Variants in COBL observed in about 807,000 individuals in gnomAD.
COBL encodes the protein protein cordon-bleu.
A neutral mutation model predicts 98.8 loss-of-function variants in COBL; 51 were observed. That is an observed-to-expected ratio of 0.52 (90% CI 0.41 to 0.65). COBL has a LOEUF of 0.65. COBL is among the 30% of genes least tolerant of loss of function. The pLI is 0.00. For synonymous variants in COBL, 634 were observed against 651.7 expected (o/e 0.97, Z 0.41); for missense variants, 1,617 against 1,617.5 (o/e 1.00, Z 0.01).
chr7:51,135,301 C>A (rs979978206), intron 6 of COBL, among the ~76,000 whole-genome samples: 1 of 152,118 alleles, frequency 6.6e-6, no homozygotes, highest in African/African-American at 2.4e-5. Context: ...AAAATATTTT[C>A]TTTGAAAATG....
chr7:51,149,390 C>T (rs1226128191), intron 5 of COBL, among the ~76,000 whole-genome samples: 1 of 152,168 alleles, frequency 6.6e-6, no homozygotes, highest in African/African-American at 2.4e-5. Flanking sequence ...TGTTCCTGAA[C>T]CTATCTTCAC....
At chr7:51,289,325 T>C (rs1438110178) in intron 1 of COBL, among the ~76,000 whole-genome samples, 7 of 152,210 alleles carry the variant, frequency 4.6e-5, no homozygotes, top group Non-Finnish European at 1.0e-4. Flanking sequence ...CAAGTGACTC[T>C]AGGCTCCCAG....
intron 1 of COBL, among the ~76,000 whole-genome samples, chr7:51,251,296 T>C (rs1796711577): frequency 6.6e-6 from 1 of 152,158 alleles, no homozygotes; most frequent in Non-Finnish European, 1.5e-5. Context: ...AAGAACAAAA[T>C]ATATCCAACA....
At chr7:51,089,084 G>C (rs752463262) in intron 6 of COBL, among the ~76,000 whole-genome samples, 4 of 152,098 alleles carry the variant, frequency 2.6e-5, no homozygotes, top group African/African-American at 9.7e-5. Flanking sequence ...TCATCAGCTC[G>C]TTCCACGGTC....
chr7:51,209,467 T>C (rs895681068), intron 2 of COBL, among the ~76,000 whole-genome samples: 1 of 152,136 alleles, frequency 6.6e-6, no homozygotes, highest in African/African-American at 2.4e-5. Flanking sequence ...GGTTAATAAC[T>C]ACCATGAGTT....
chr7:51,280,141 G>A (rs1432092903), intron 1 of COBL, among the ~76,000 whole-genome samples: 2 of 152,046 alleles, frequency 1.3e-5, no homozygotes, highest in Admixed American at 6.5e-5. Flanking sequence ...ACCAGAATTC[G>A]AAGTACCACG....
rs1458709553 is a variant in COBL, at chr7:51,077,233, T to C, written c.1096+7933A>G. 2.0e-5 allele frequency among the ~76,000 whole-genome samples: 3 copies of C among 152,214 alleles called. No individual in the cohort carries two copies. In the East Asian group the frequency reaches 5.8e-4, roughly 29 times the overall value. ...AAAATCTTATTAATAAGAAAAAACA[T>C]GATTAAAGACCACAGACCTGGGAGC... On this transcript the variant is annotated intron_variant, in intron 7 of 12. Coordinates refer to ENST00000265136, the MANE Select transcript of COBL (RefSeq NM_015198.5).
At chr7:51,261,735 A>G (rs1314968491) in intron 1 of COBL, among the ~76,000 whole-genome samples, 1 of 152,142 alleles carries the variant, frequency 6.6e-6, no homozygotes, top group Non-Finnish European at 1.5e-5. Flanking sequence ...GAGAGGCCGA[A>G]GTAGGCGGAT....
chr7:51,266,609 C>A (rs937241124), intron 1 of COBL, among the ~76,000 whole-genome samples: 3 of 152,128 alleles, frequency 2.0e-5, no homozygotes, highest in African/African-American at 4.8e-5. Flanking sequence ...TCAACTGATT[C>A]TTATTTTAAA....
At chr7:51,142,156 G>C (rs1799814204) in intron 5 of COBL, among the ~76,000 whole-genome samples, 1 of 152,214 alleles carries the variant, frequency 6.6e-6, no homozygotes, top group East Asian at 1.9e-4. Flanking sequence ...CATTTCTAGA[G>C]GGTGAGGCGA....
intron 5 of COBL, among the ~76,000 whole-genome samples, chr7:51,143,688 T>C (rs996685506): frequency 3.3e-5 from 5 of 152,184 alleles, no homozygotes; most frequent in African/African-American, 1.2e-4. Context: ...ATAAATATGA[T>C]TGTTTCTAAA....
At chr7:51,228,293 G>A (rs1481711324) in intron 1 of COBL, among the ~76,000 whole-genome samples, 2 of 151,876 alleles carry the variant, frequency 1.3e-5, no homozygotes, top group Admixed American at 6.6e-5. Flanking sequence ...TAAATGAGAT[G>A]ACCCCTGTAA....
At chr7:51,052,788 C>T (rs1048216753) in intron 7 of COBL, among the ~76,000 whole-genome samples, 1 of 152,210 alleles carries the variant, frequency 6.6e-6, no homozygotes, top group Admixed American at 6.5e-5. Context: ...GCCATCCCTC[C>T]TTCTGCTGCT....
At chr7:51,108,752 G>A (rs115782939) in intron 6 of COBL, among the ~76,000 whole-genome samples, 1,676 of 152,218 alleles carry the variant, frequency 0.011, 31 homozygotes, top group African/African-American at 0.039. Flanking sequence ...ATTCTCCAAA[G>A]GAAAGCTGCT....
intron 2 of COBL, among the ~76,000 whole-genome samples, chr7:51,218,375 A>G (rs1793297666): frequency 6.6e-6 from 1 of 152,264 alleles, no homozygotes. Flanking sequence ...ACTTTTTAAA[A>G]GGCATCTGTG....
At chr7:51,085,028 C>G in intron 7 of COBL, 138 bp downstream of exon 7, 5 of 1,245,404 alleles carry the variant, frequency 4.0e-6, no homozygotes, top group Admixed American at 2.1e-5. Context: ...TTCTTTCCAG[C>G]CCTTCTTTCT....
intron 1 of COBL, among the ~76,000 whole-genome samples, chr7:51,271,067 C>T (rs985758099): frequency 6.6e-6 from 1 of 152,230 alleles, no homozygotes; most frequent in African/African-American, 2.4e-5. Context: ...CCCAGGAATG[C>T]TTGGGACAGG....
intron 7 of COBL, chr7:51,073,438 A>G (rs899852199): frequency 9.5e-6 from 6 of 634,664 alleles, no homozygotes; most frequent in Non-Finnish European, 1.7e-5. Flanking sequence ...CGGTGAAATA[A>G]ATATCTGCCA....
At chr7:51,130,025 G>C (rs530048189) in intron 6 of COBL, among the ~76,000 whole-genome samples, 1 of 152,286 alleles carries the variant, frequency 6.6e-6, no homozygotes, top group African/African-American at 2.4e-5. Context: ...TGGGAGCAAA[G>C]GGAAATGGCT....
Sources: gnomAD v4.1 joint callset for allele counts (sites outside exome capture counted in the v4.1 genomes callset) on GRCh38, gnomAD v4.1.1 for gene constraint, MANE v1.5 for transcripts, NCBI Gene and HGNC (gene_info 2026-07-23, HGNC 2026-07-21) for gene names.